The following DST variants were observed in gnomAD, a reference collection of about 807,000 sequenced individuals.
The protein encoded by DST is dystonin.
DST carries 253 observed loss-of-function variants against 875.2 expected under a neutral mutation model. That is an observed-to-expected ratio of 0.29 (90% CI 0.26 to 0.32). The LOEUF is 0.32. Ranked by LOEUF, DST falls within the 10% of genes least tolerant of loss-of-function variation. The pLI is 1.00. For synonymous variants in DST, 3,124 were observed against 3,197.1 expected (o/e 0.98, Z 0.77); for missense variants, 8,287 against 9,111.6 (o/e 0.91, Z 3.68).
At chr6:56,590,636 A>C (rs2098255624) in intron 49 of DST, among the ~76,000 whole-genome samples, 1 of 152,184 alleles carries the variant, frequency 6.6e-6, no homozygotes, top group Non-Finnish European at 1.5e-5. Flanking sequence ...ACAGGACTGA[A>C]AATGCACATT....
Position 56,501,873 on chromosome 6 carries a change from A to G in DST, c.19567-180T>C, listed in dbSNP as rs187029887. 9.7e-4 allele frequency among the ~76,000 whole-genome samples: 148 copies of G among 152,198 alleles called. 2 individuals are homozygous for G. The highest frequency in any genetic ancestry group is 3.5e-3 in the African/African-American group (144 of 41,550). ...ATTATAGGCAAAAAAAATAAGGAAA[A>G]TATTTTCTCTTTATTCAATATTTTT... On this transcript the variant is annotated intron_variant, in intron 78 of 103. Coordinates refer to ENST00000680361, the MANE Select transcript of DST (RefSeq NM_001374736.1).
At chr6:56,650,594 A>G (rs1038768517) in intron 12 of DST, among the ~76,000 whole-genome samples, 17 of 152,240 alleles carry the variant, frequency 1.1e-4, no homozygotes, top group Non-Finnish European at 2.9e-5. Context: ...TACATACAAA[A>G]GAATAGCAAA....
chr6:56,828,078 C>T (rs2099782911), intron 4 of DST, among the ~76,000 whole-genome samples: 2 of 152,162 alleles, frequency 1.3e-5, no homozygotes, highest in Admixed American at 1.3e-4. Flanking sequence ...CCTTTATTCA[C>T]TCCTGATCCA....
intron 8 of DST, among the ~76,000 whole-genome samples, chr6:56,700,727 T>C (rs2099297557): frequency 6.6e-6 from 1 of 152,172 alleles, no homozygotes; most frequent in Non-Finnish European, 1.5e-5. Context: ...CTGAGAATTA[T>C]ATACTATGAT....
chr6:56,801,223 T>G (rs566241099), intron 4 of DST, among the ~76,000 whole-genome samples: 1 of 152,272 alleles, frequency 6.6e-6, no homozygotes, highest in African/African-American at 2.4e-5. Context: ...TTTTAGGATC[T>G]CATCCAGGAC....
At chr6:56,620,470 CCTTATCTTCTGCAGAGAG>C (rs770666360) in intron 36 of DST, 1 of 1,614,104 alleles carries the variant, frequency 6.2e-7, no homozygotes, top group South Asian at 1.1e-5. Context: ...CACTTTCAGC[CCTTATCTTCTGCAGAGAG>C]ATATCTTCTA....
At chr6:56,946,287 A>G (rs550819952) in intron 2 of DST, among the ~76,000 whole-genome samples, 12 of 152,328 alleles carry the variant, frequency 7.9e-5, no homozygotes, top group Admixed American at 5.9e-4. Flanking sequence ...AACAATCAAT[A>G]TATCAATTTG....
chr6:56,647,041 T>A (rs1022943901), intron 13 of DST, among the ~76,000 whole-genome samples: 5 of 152,242 alleles, frequency 3.3e-5, no homozygotes, highest in Non-Finnish European at 7.3e-5. Context: ...GTTCTAGTCA[T>A]CAGCAAGTAC....
intron 4 of DST, among the ~76,000 whole-genome samples, chr6:56,820,026 C>A (rs2099771198): frequency 6.6e-6 from 1 of 152,196 alleles, no homozygotes; most frequent in Non-Finnish European, 1.5e-5. Flanking sequence ...GCTACTACTG[C>A]CTCACATTCA....
intron 36 of DST, chr6:56,619,087 T>G: frequency 1.2e-6 from 2 of 1,613,598 alleles, no homozygotes. Context: ...GGTCTTCTTC[T>G]AGGCATTTAA....
At chr6:56,695,708 T>C (rs1362256764) in intron 9 of DST, among the ~76,000 whole-genome samples, 12 of 152,234 alleles carry the variant, frequency 7.9e-5, no homozygotes, top group Non-Finnish European at 1.0e-4. Flanking sequence ...TATCTCTGGA[T>C]CTAGCATGTG....
At chr6:56,468,926 A>T (rs2094729483) in intron 98 of DST, 56 bp downstream of exon 98, 1 of 1,460,522 alleles carries the variant, frequency 6.8e-7, no homozygotes. Flanking sequence ...ATGACTATGA[A>T]TTAAAGTTAA....
At chr6:56,785,993 C>G (rs2099704615) in intron 4 of DST, 1 of 152,186 alleles carries the variant, frequency 6.6e-6, no homozygotes, top group Admixed American at 6.5e-5. Context: ...TCAGTATTAT[C>G]ATTCTATTAA....
intron 4 of DST, among the ~76,000 whole-genome samples, chr6:56,845,863 TTTTTAA>T (rs2099806697): frequency 6.6e-6 from 1 of 152,224 alleles, no homozygotes; most frequent in Admixed American, 6.5e-5. Context: ...TTTGGGATTG[TTTTTAA>T]AAACAGCCTT....
At chr6:56,806,854 C>T (rs966378088) in intron 4 of DST, among the ~76,000 whole-genome samples, 10 of 152,134 alleles carry the variant, frequency 6.6e-5, no homozygotes, top group African/African-American at 1.9e-4. Flanking sequence ...AGGAAGATGA[C>T]GCTCACAGAA....
rs181042092 is a variant in DST, at chr6:56,686,423, C to G, written c.1047+13230G>C. On this transcript the variant is annotated intron_variant, in intron 9 of 103. Transcript: ENST00000680361. ...CCCATGTAGCAAACCTGCACATGTA[C>G]CCACTGAATCTTAAATATTTTTTTA... Among the ~76,000 whole-genome samples, 55 of 152,304 alleles carry G rather than the reference C, an allele frequency of 3.6e-4. 1 individual carries two copies. Among genetic ancestry groups the G allele is most frequent in the Non-Finnish European group, 1.5e-5 (1 of 68,020 alleles).
chr6:56,509,680 G>A lies in DST; in HGVS notation c.18974C>T (p.Ala6325Val). Residue 6325 changes from alanine (A) to valine (V), a missense_variant, in exon 74 of 104, where the codon GCT (alanine) becomes GTT (valine). Coordinates refer to ENST00000680361, the MANE Select transcript of DST (RefSeq NM_001374736.1). ...TLKQRGEEMI[A>V]RSGGTDKDIS... is the part of the protein sequence containing the mutation. ...GTCTTTATCAGTCCCCCCAGATCTA[G>A]CAATCATTTCCTCTCCCCTCTGTTT... is the stretch of plus-strand genomic sequence containing the variant. The A allele has an allele frequency of 6.2e-7, 1 of 1,613,570 alleles. No homozygotes were observed. The highest frequency in any genetic ancestry group is 8.5e-7 in the Non-Finnish European group (1 of 1,179,638).
intron 4 of DST, among the ~76,000 whole-genome samples, chr6:56,817,364 T>C (rs2099767788): frequency 6.6e-6 from 1 of 152,204 alleles, no homozygotes; most frequent in Non-Finnish European, 1.5e-5. Flanking sequence ...CTAAGGGCCA[T>C]ATGACTTTAT....
chr6:56,546,347 C>CATATATATATATATATATATAT (rs10617867), intron 61 of DST, among the ~76,000 whole-genome samples: 2 of 72,642 alleles, frequency 2.8e-5, no homozygotes, highest in Admixed American at 2.0e-4. Context: ...ATACATATTT[C>CATATATATATATATATATATAT]ATATATATAT....
Sources: gnomAD v4.1 joint callset for allele counts (sites outside exome capture counted in the v4.1 genomes callset) on GRCh38, gnomAD v4.1.1 for gene constraint, MANE v1.5 for transcripts, NCBI Gene and HGNC (gene_info 2026-07-23, HGNC 2026-07-21) for gene names.